DNAJA2: variants seen among roughly 807,000 people sequenced by gnomAD.
DNAJA2 encodes the protein DnaJ heat shock protein family (Hsp40) member A2.
Under a neutral mutation model 49.3 loss-of-function variants are expected in DNAJA2, and 6 were observed. The observed-to-expected ratio is 0.12, with a 90% CI of 0.07 to 0.24. The LOEUF is 0.24. DNAJA2 is among the 10% of genes least tolerant of loss of function. The pLI, the probability that DNAJA2 is intolerant of heterozygous loss-of-function variation, is 1.00. For synonymous variants in DNAJA2, 160 were observed against 172.7 expected (o/e 0.93, Z 0.58); for missense variants, 347 against 516.8 (o/e 0.67, Z 3.19).
At chr16:46,971,695 C>T (rs1433351159) in intron 2 of DNAJA2, 123 bp from the exon 3 acceptor site, 4 of 773,998 alleles carry the variant, frequency 5.2e-6, no homozygotes, top group Non-Finnish European at 7.9e-6. Context: ...TTACCTTTGA[C>T]TTGATTCTGG....
At chr16:46,961,733 A>C (rs1331046920) in intron 6 of DNAJA2, among the ~76,000 whole-genome samples, 4 of 152,208 alleles carry the variant, frequency 2.6e-5, no homozygotes, top group Non-Finnish European at 5.9e-5. Context: ...TTGATGTTAA[A>C]AGTTTAAACA....
chr16:46,964,509 A>C, intron 6 of DNAJA2, 102 bp downstream of exon 6: 1 of 1,111,354 alleles, frequency 9.0e-7, no homozygotes, highest in Non-Finnish European at 1.3e-6. Flanking sequence ...ACCAGTGTTC[A>C]GTGTTGCTCC....
chr16:46,970,723 T>C (rs1596659038), intron 3 of DNAJA2, among the ~76,000 whole-genome samples: 1 of 8,722 alleles, frequency 1.1e-4, no homozygotes, highest in African/African-American at 1.7e-4. Context: ...CGACAGGGAC[T>C]CCATTTCAAA....
chr16:46,970,671 G>C (rs1426302803), intron 3 of DNAJA2, among the ~76,000 whole-genome samples: 1 of 136,664 alleles, frequency 7.3e-6, no homozygotes, highest in Non-Finnish European at 1.5e-5. Flanking sequence ...AGAGGAGGGG[G>C]ATGCAGTGAG....
chr16:46,964,652 G>A lies in DNAJA2; in HGVS notation c.733C>T (p.Pro245Ser), dbSNP rs746728501. The change falls in exon 6 of 9, where the codon CCC becomes TCC. Residue 245 changes from proline to serine, a missense_variant. Physicochemically the swap from Pro to Ser is moderately conservative, Grantham distance 74 (BLOSUM62 -1). Transcript: ENST00000317089. ...TGTAGCAAAAGAACAATGTCTCCGG[G>A]TTCCACTCCTGGGGCCTGGTCTGCT... Reference protein sequence around the residue: ...GEADQAPGVEPGDIVLLLQEK... With the variant: ...GEADQAPGVESGDIVLLLQEK... 9 of 1,613,100 alleles carry A rather than the reference G, an allele frequency of 5.6e-6. 1 individual carries two copies. The South Asian group carries it at 9.9e-5, about 18-fold the overall frequency.
At chr16:46,964,392 C>A (rs1327926361) in intron 6 of DNAJA2, among the ~76,000 whole-genome samples, 1 of 152,036 alleles carries the variant, frequency 6.6e-6, no homozygotes, top group Non-Finnish European at 1.5e-5. Flanking sequence ...GGGAAGAAAC[C>A]AAGCCAGGAC....
Position 46,967,603 on chromosome 16 carries a change from G to T in DNAJA2, c.487C>A (p.Arg163=). 6.2e-7 allele frequency: 1 copy of T among 1,614,048 alleles called. No individual in the cohort carries two copies. The highest frequency in any genetic ancestry group is 8.5e-7 in the Non-Finnish European group (1 of 1,180,026). ...SGAVQKCSAC[R]GRGVRIMIRQ... ...ATCATGATGCGCACACCTCGACCTC[G>T]ACAAGCACTACACTTTTGGACAGCT... Residue 163 remains arginine, a synonymous_variant, in exon 5 of 9, where the codon CGA becomes AGA. Transcript: ENST00000317089.
intron 1 of DNAJA2, 120 bp downstream of exon 1, chr16:46,973,375 G>C: frequency 2.3e-6 from 2 of 884,790 alleles, no homozygotes; most frequent in Non-Finnish European, 2.9e-6. Context: ...CTCCCAGCCC[G>C]GGCCAGTCAC....
rs773144299 is a variant in DNAJA2 at position 46,971,969 on chromosome 16, TAA to T, written c.79-16_79-15del. ...CTTTCTGTATGCCTTTGAAAATGGA[TAA>T]AAACAAAAAAGGTTATAACTAAACA... is the stretch of plus-strand genomic sequence containing the variant. On this transcript the variant is annotated splice_polypyrimidine_tract_variant and intron_variant, in intron 1 of 8. Transcript: ENST00000317089. 16 of 1,594,020 alleles carry T rather than the reference TAA, an allele frequency of 1.0e-5. No individual in the cohort carries two copies. The Admixed American group carries it at 2.5e-4, about 25-fold the overall frequency.
Position 46,956,494 on chromosome 16 carries a change from TACA to T in DNAJA2, c.*532_*534del. The T allele has an allele frequency of 6.6e-6, 1 of 152,220 alleles. No individual in the cohort carries two copies. The highest frequency in any genetic ancestry group is 1.5e-5 in the Non-Finnish European group (1 of 67,942). The allele number at this position is 152,220 out of a possible 1,614,324, so 9.4% of individuals were successfully genotyped here. A position where few individuals can be genotyped will look rare whatever the true frequency, so the allele number is the denominator to read the frequency against. ...AACAAAACCAAAAACAAAAAAACTT[TACA>T]ACCACAGCTAATGTAATTTTTTCCA... On this transcript the variant is annotated 3_prime_UTR_variant, in exon 9 of 9. Coordinates refer to ENST00000317089, the MANE Select transcript of DNAJA2 (RefSeq NM_005880.4).
intron 3 of DNAJA2, among the ~76,000 whole-genome samples, 196 bp downstream of exon 3, chr16:46,971,153 C>A (rs368770132): frequency 2.0e-5 from 3 of 152,096 alleles, no homozygotes; most frequent in African/African-American, 7.2e-5. Context: ...AAAATATCGA[C>A]TGTCCTTTTA....
Position 46,959,224 on chromosome 16 carries a change from A to T in DNAJA2, c.919+51T>A, listed in dbSNP as rs747493778. ...CAGTATAAAAAAATTACAAATTGTAATTTTTTTCAAAAATACTTGAAAACC... is the reference window on the plus strand; with the variant it reads ...CAGTATAAAAAAATTACAAATTGTATTTTTTTTCAAAAATACTTGAAAACC... On this transcript the variant is annotated intron_variant, in intron 7 of 8. Transcript: ENST00000317089. The T allele has an allele frequency of 1.9e-6, 3 of 1,582,184 alleles. No homozygotes were observed. In the South Asian group the frequency reaches 3.4e-5, roughly 18 times the overall value.
chr16:46,959,221 G>A, intron 7 of DNAJA2, 54 bp downstream of exon 7: 2 of 1,581,810 alleles, frequency 1.3e-6, no homozygotes. Context: ...ATTACAAATT[G>A]TAATTTTTTT....
chr16:46,973,475 C>T lies in DNAJA2; in HGVS notation c.78+20G>A, dbSNP rs1424978364. On this transcript the variant is annotated intron_variant, in intron 1 of 8. Transcript: ENST00000317089. ...GCAGGCCCCGCGCCCCTCACACCCG[C>T]CCGGCCCGCTCCCAGATACCTTCTT... The T allele has an allele frequency of 1.8e-5, 28 of 1,589,416 alleles. No individual in the cohort carries two copies. Among genetic ancestry groups the T allele is most frequent in the Non-Finnish European group, 2.4e-5 (28 of 1,172,726 alleles).
chr16:46,957,284 A>T, intron 8 of DNAJA2, 64 bp from the exon 9 acceptor site: 12 of 1,416,304 alleles, frequency 8.5e-6, no homozygotes, highest in Non-Finnish European at 1.1e-5. Context: ...CTTTTGATAC[A>T]TAGAATCCAG....
chr16:46,969,140 C>T (rs1167564900), intron 3 of DNAJA2, among the ~76,000 whole-genome samples: 1 of 152,014 alleles, frequency 6.6e-6, no homozygotes, highest in Admixed American at 6.6e-5. Flanking sequence ...ATGGTCATCC[C>T]GTAATGATCT....
intron 6 of DNAJA2, among the ~76,000 whole-genome samples, chr16:46,962,451 C>G (rs1044527992): frequency 1.3e-5 from 2 of 149,578 alleles, no homozygotes; most frequent in Non-Finnish European, 3.0e-5. Flanking sequence ...CACTGCCAGA[C>G]ATCATTTGAC....
In DNAJA2 at chr16:46,973,160, G is replaced by C. The variant is rs375548347; in HGVS notation, c.78+335C>G. On this transcript the variant is annotated intron_variant, in intron 1 of 8. Coordinates refer to ENST00000317089, the MANE Select transcript of DNAJA2 (RefSeq NM_005880.4). ...TTTTCCGGGGTGGTGACCTCGACGC[G>C]AAGGACCGGGCGAGCTGCTGCCTCC... Among the ~76,000 whole-genome samples, 9 of 152,276 alleles carry C rather than the reference G, an allele frequency of 5.9e-5. No individual in the cohort carries two copies. In the East Asian group the frequency reaches 9.7e-4, roughly 16 times the overall value.
intron 3 of DNAJA2, among the ~76,000 whole-genome samples, chr16:46,969,607 T>C (rs1567354837): frequency 6.6e-6 from 1 of 152,192 alleles, no homozygotes; most frequent in Non-Finnish European, 1.5e-5. Context: ...TAGTTGTATT[T>C]ATCAGCCTCA....
Sources: gnomAD v4.1 joint callset for allele counts (sites outside exome capture counted in the v4.1 genomes callset) on GRCh38, gnomAD v4.1.1 for gene constraint, MANE v1.5 for transcripts, NCBI Gene and HGNC (gene_info 2026-07-23, HGNC 2026-07-21) for gene names.